SCN9A: variants seen among roughly 807,000 people sequenced by gnomAD.
SCN9A encodes sodium voltage-gated channel alpha subunit 9.
In SCN9A, 131 loss-of-function variants were observed where a neutral mutation model predicts 187.0. The observed-to-expected ratio is 0.70, with a 90% confidence interval of 0.61 to 0.81. The LOEUF (loss-of-function observed/expected upper bound fraction) is 0.81. Ranked by LOEUF, SCN9A falls within the 30% of genes least tolerant of loss-of-function variation. SCN9A has a pLI of 0.00. For synonymous variants in SCN9A, 809 were observed against 808.6 expected, an observed-to-expected ratio of 1.00 and a Z score of -0.01; for missense variants, 2,252 against 2,396.6, an observed-to-expected ratio of 0.94 and a Z score of 1.26.
At position 166,284,779 on chromosome 2, in the gene SCN9A, T is replaced by C. The variant is rs1239465429; in HGVS notation, c.1648A>G (p.Ser550Gly). 6.2e-7 allele frequency: 1 copy of C among 1,613,260 alleles called. No individual in the cohort carries two copies. Among genetic ancestry groups the C allele is most frequent in the South Asian group, 1.1e-5 (1 of 91,068 alleles). Residue 550 changes from serine to glycine, a missense_variant, in exon 12 of 27, where the codon AGC becomes GGC. Transcript: ENST00000642356. ...RGSLFSARRS[S>G]RTSLFSFKGR... ...TTGAAACTAAAAAGACTTGTTCTGCTGCTTCGCCTTGCAGAAAACAAGGAG... is the reference window on the plus strand; with the variant it reads ...TTGAAACTAAAAAGACTTGTTCTGCCGCTTCGCCTTGCAGAAAACAAGGAG...
chr2:166,348,413 T>A (rs985204341), intron 1 of SCN9A, among the ~76,000 whole-genome samples: 3 of 152,190 alleles, frequency 2.0e-5, no homozygotes, highest in Non-Finnish European at 4.4e-5. Flanking sequence ...GAACTCAGAA[T>A]AGAGTAACAT....
chr2:166,375,248 T>C (rs905614469), intron 1 of SCN9A, among the ~76,000 whole-genome samples: 1 of 152,198 alleles, frequency 6.6e-6, no homozygotes, highest in African/African-American at 2.4e-5. Context: ...ACAGGTTGTA[T>C]CTGCTAAGCT....
chr2:166,355,398 C>T (rs1360201756), intron 1 of SCN9A, among the ~76,000 whole-genome samples: 1 of 151,892 alleles, frequency 6.6e-6, no homozygotes, highest in Non-Finnish European at 1.5e-5. Context: ...ACGTTTTTAT[C>T]TAAAATGTGA....
chr2:166,222,909 C>A (rs1369561162), intron 24 of SCN9A, among the ~76,000 whole-genome samples: 1 of 99,892 alleles, frequency 1.0e-5, no homozygotes, highest in Non-Finnish European at 1.8e-5. Flanking sequence ...CCAGCCTGGG[C>A]GACAGAGCGA....
intron 9 of SCN9A, among the ~76,000 whole-genome samples, chr2:166,292,706 T>G (rs1241506013): frequency 1.3e-5 from 2 of 152,094 alleles, no homozygotes; most frequent in Non-Finnish European, 2.9e-5. Flanking sequence ...AATTACCACT[T>G]GCAATACAAG....
intron 16 of SCN9A, chr2:166,276,497 T>C (rs1164348543): frequency 6.6e-6 from 1 of 152,266 alleles, no homozygotes; most frequent in Non-Finnish European, 1.5e-5. Flanking sequence ...AAATCATTCT[T>C]AGCTCCCAGG....
At chr2:166,276,366 C>T (rs546509793) in intron 16 of SCN9A, 4 of 152,050 alleles carry the variant, frequency 2.6e-5, no homozygotes, top group African/African-American at 4.8e-5. Flanking sequence ...ATAGAAGATA[C>T]GTAAATGAAT....
intron 1 of SCN9A, among the ~76,000 whole-genome samples, chr2:166,334,663 G>A (rs1699584926): frequency 6.6e-6 from 1 of 152,066 alleles, no homozygotes; most frequent in Admixed American, 6.6e-5. Flanking sequence ...TGCATTCATG[G>A]CTATGCCATA....
chr2:166,315,594 C>T lies in SCN9A; in HGVS notation c.-50-3788G>A, dbSNP rs1010761284. Reference sequence around the variant, plus strand: ...ACCTTGATCAGATTTCATCATCATCCTCTAGTTTGGAGAGGTGAAACTTCC... The same window carrying T: ...ACCTTGATCAGATTTCATCATCATCTTCTAGTTTGGAGAGGTGAAACTTCC... On this transcript the variant is annotated intron_variant, in intron 1 of 26. Coordinates refer to ENST00000642356, the MANE Select transcript of SCN9A (RefSeq NM_001365536.1). 3.7e-4 allele frequency among the ~76,000 whole-genome samples: 56 copies of T among 152,174 alleles called. 1 individual carries two copies. Among genetic ancestry groups the T allele is most frequent in the Non-Finnish European group, 5.9e-5 (4 of 68,028 alleles).
At chr2:166,369,556 G>A (rs1295918429) in intron 1 of SCN9A, among the ~76,000 whole-genome samples, 1 of 151,944 alleles carries the variant, frequency 6.6e-6, no homozygotes, top group Non-Finnish European at 1.5e-5. Context: ...TTGTAAATGG[G>A]GTAACAAGAA....
At position 166,284,638 on chromosome 2, in the gene SCN9A, G is replaced by C. The variant is rs1448265143; in HGVS notation, c.1789C>G (p.Arg597Gly). The C allele has an allele frequency of 6.2e-7, 1 of 1,613,966 alleles. No individual in the cohort carries two copies. The highest frequency in any genetic ancestry group is 8.5e-7 in the Non-Finnish European group (1 of 1,179,874). The change falls in exon 12 of 27, where the codon CGA becomes GGA. Residue 597 changes from arginine (R) to glycine (G), a missense_variant. Arg to Gly is a moderately radical substitution (Grantham distance 125, BLOSUM62 -2). This residue lies in a region of SCN9A where 1,013 missense variants were observed against 997.4 expected (regional missense o/e 1.02). Coordinates refer to ENST00000642356, the MANE Select transcript of SCN9A (RefSeq NM_001365536.1). ...GCTTGGCTGATGTTACTGCTGCGTCGCTCCTGGGGTCTGTGGGGCACAAAC... is the reference window on the plus strand; with the variant it reads ...GCTTGGCTGATGTTACTGCTGCGTCCCTCCTGGGGTCTGTGGGGCACAAAC... The part of the protein sequence containing the change: ...SLFVPHRPQE[R>G]RSSNISQASR...
In SCN9A at chr2:166,204,226, C is replaced by T; in HGVS notation, c.4504-1G>A. The stretch of plus-strand genomic sequence containing the variant: ...CAAATATACATCCTTGGATTTTGTT[C>T]TGCAAAGAAATAAGAATAATATCGA... On this transcript the variant is annotated splice_acceptor_variant, in intron 25 of 26. Coordinates refer to ENST00000642356, the MANE Select transcript of SCN9A (RefSeq NM_001365536.1). LOFTEE classifies it high-confidence loss of function. The T allele has an allele frequency of 6.2e-7, 1 of 1,607,314 alleles. No homozygotes were observed. The highest frequency in any genetic ancestry group is 2.2e-5 in the East Asian group (1 of 44,722).
At chr2:166,236,513 C>T (rs1003369811) in intron 20 of SCN9A, among the ~76,000 whole-genome samples, 5 of 152,080 alleles carry the variant, frequency 3.3e-5, no homozygotes, top group African/African-American at 1.2e-4. Context: ...CTCTGCCTAC[C>T]GGGTTCAAGC....
At position 166,204,206 on chromosome 2, in the gene SCN9A, A is replaced by G. The variant is rs1359777832; in HGVS notation, c.4523T>C (p.Ile1508Thr). The part of the protein sequence containing the change: ...PRPGNKIQGC[I>T]FDLVTNQAFD... ...GGCTTGATTTGTCACTAGGTCAAAT[A>G]TACATCCTTGGATTTTGTTCTGCAA... is the stretch of plus-strand genomic sequence containing the variant. The change falls in exon 26 of 27, where the codon ATA (isoleucine) becomes ACA (threonine). Residue 1508 changes from isoleucine (I) to threonine (T), a missense_variant. By Grantham distance (89) the Ile-to-Thr change is moderately conservative. Transcript: ENST00000642356. The G allele has an allele frequency of 2.5e-6, 4 of 1,611,500 alleles. No homozygotes were observed. In the Admixed American group the frequency reaches 6.7e-5, roughly 27 times the overall value.
chr2:166,199,631 T>C lies in SCN9A; in HGVS notation c.5008A>G (p.Lys1670Glu). The C allele has an allele frequency of 6.2e-7, 1 of 1,614,176 alleles. No homozygotes were observed. Among genetic ancestry groups the C allele is most frequent in the Non-Finnish European group, 8.5e-7 (1 of 1,180,032 alleles). Residue 1670 changes from lysine to glutamate, a missense_variant, in exon 27 of 27, where the codon AAA becomes GAA. Around this residue, in one of 7 missense-constraint regions of SCN9A, gnomAD observed 84 missense variants for 134.2 expected, o/e 0.63. Transcript: ENST00000642356. ...ATGTCATTAATTCCATCTTCCTTTTTAACATAGGCAAAGTTGGACATTCCA... is the reference window on the plus strand; with the variant it reads ...ATGTCATTAATTCCATCTTCCTTTTCAACATAGGCAAAGTTGGACATTCCA... ...IFGMSNFAYV[K>E]KEDGINDMFN... is the part of the protein sequence containing the mutation.
intron 10 of SCN9A, among the ~76,000 whole-genome samples, chr2:166,288,221 A>G (rs1476592118): frequency 6.6e-6 from 1 of 151,124 alleles, no homozygotes; most frequent in African/African-American, 2.4e-5. Context: ...GCCTTAGATC[A>G]CTTTTCATGC....
intron 1 of SCN9A, among the ~76,000 whole-genome samples, chr2:166,354,632 T>A (rs950917870): frequency 1.2e-4 from 18 of 152,194 alleles, no homozygotes; most frequent in Non-Finnish European, 2.6e-4. Context: ...AGCGATCAAG[T>A]ATTTAATTGT....
At chr2:166,280,866 CAT>C (rs1283575466) in intron 13 of SCN9A, among the ~76,000 whole-genome samples, 6 of 152,174 alleles carry the variant, frequency 3.9e-5, no homozygotes, top group Admixed American at 3.3e-4. Flanking sequence ...ATGCACCTAA[CAT>C]GTGATGGTAA....
chr2:166,197,430 C>A lies in SCN9A; in HGVS notation c.*1242G>T, dbSNP rs1229604138. 6.6e-6 allele frequency: 1 copy of A among 152,108 alleles called. No homozygotes were observed. Among genetic ancestry groups the A allele is most frequent in the Non-Finnish European group, 1.5e-5 (1 of 67,984 alleles). The allele number at this position is 152,108 out of a possible 1,614,324, so 9.4% of individuals were successfully genotyped here. On this transcript the variant is annotated 3_prime_UTR_variant, in exon 27 of 27. Transcript: ENST00000642356. ...AAGGTGACATCTTCCTCATTGTATA[C>A]ATTGAAGTATATCCAAAAAAGATTA...
Sources: gnomAD v4.1 joint callset for allele counts (sites outside exome capture counted in the v4.1 genomes callset) on GRCh38, gnomAD v4.1.1 for gene constraint, gnomAD v4.1.1 regional missense constraint, MANE v1.5 for transcripts, NCBI Gene and HGNC (gene_info 2026-07-23, HGNC 2026-07-21) for gene names.